EXD3: variants seen among roughly 807,000 people sequenced by gnomAD.
EXD3 encodes the protein exonuclease mut-7 homolog.
Under a neutral mutation model 98.0 loss-of-function variants are expected in EXD3, and 92 were observed. The ratio of observed to expected loss-of-function variants is 0.94; its 90% CI spans 0.79 to 1.12. The LOEUF (loss-of-function observed/expected upper bound fraction) is 1.12, where lower values mean the gene tolerates loss of function less well. Ranked by LOEUF, EXD3 falls within the 50% of genes most tolerant of loss-of-function variation. The probability of loss-of-function intolerance (pLI) is 0.00; values close to 1 mark genes in which losing one functional copy is unlikely to be tolerated. For synonymous variants in EXD3, 569 were observed against 526.0 expected (o/e 1.08, Z -1.12); for missense variants, 1,222 against 1,191.6 (o/e 1.03, Z -0.38).
At position 137,349,642 on chromosome 9, in the gene EXD3, C is replaced by T; in HGVS notation, c.1495-111G>A. ...GCTCTGGAGGAGGCCCCGCCCCCTC[C>T]ACCAGCGGCCCCCACAGCAGAGACG... On this transcript the variant is annotated intron_variant, in intron 14 of 21. Transcript: ENST00000340951. The surrounding 1 kb of genome is among the most constrained non-coding windows in gnomAD (Gnocchi z 7.4). 8.7e-7 allele frequency: 1 copy of T among 1,150,606 alleles called. No individual in the cohort carries two copies. 71.3% of individuals were successfully genotyped at this position (1,150,606 alleles called of 1,614,324 possible).
intron 1 of EXD3, among the ~76,000 whole-genome samples, chr9:137,414,009 C>T (rs1275112261): frequency 2.6e-5 from 4 of 151,368 alleles, no homozygotes; most frequent in Non-Finnish European, 4.4e-5. Context: ...CTCTGCCTCC[C>T]GGGTTTACGC....
At chr9:137,329,753 G>A (rs370856953) in intron 17 of EXD3, among the ~76,000 whole-genome samples, 1 of 37,346 alleles carries the variant, frequency 2.7e-5, no homozygotes, top group Non-Finnish European at 5.5e-5. Flanking sequence ...GGGACTACAC[G>A]GGACTACACG....
Position 137,405,431 on chromosome 9 carries a change from G to A in EXD3, c.-47-10027C>T, listed in dbSNP as rs888994847. 2.6e-5 allele frequency among the ~76,000 whole-genome samples: 4 copies of A among 152,234 alleles called. No homozygotes were observed. The highest frequency in any genetic ancestry group is 9.6e-5 in the African/African-American group (4 of 41,460). On this transcript the variant is annotated intron_variant, in intron 1 of 21. Transcript: ENST00000340951. The surrounding 1 kb of genome is among the most constrained non-coding windows in gnomAD (Gnocchi z 4.1). ...ATTCGTGCTGGTGTCCGTGGCCCAA[G>A]GATTTGCAGAGCCGCGGACGGAGCC...
At position 137,371,331 on chromosome 9, in the gene EXD3, G is replaced by A. The variant is rs1250017959; in HGVS notation, c.462+1574C>T. Among the ~76,000 whole-genome samples the A allele has an allele frequency of 1.3e-5, 2 of 152,186 alleles. No individual in the cohort carries two copies. The highest frequency in any genetic ancestry group is 2.9e-5 in the Non-Finnish European group (2 of 68,014). On this transcript the variant is annotated intron_variant, in intron 5 of 21. Coordinates refer to ENST00000340951, the MANE Select transcript of EXD3 (RefSeq NM_017820.5). The surrounding 1 kb of genome is among the most constrained non-coding windows in gnomAD (Gnocchi z 8.0). ...GGTGGCTTCTCAGCGCCATGCACCCGCCGCGAGACGACGGCCCCGGGCGTG... is the reference window on the plus strand; with the variant it reads ...GGTGGCTTCTCAGCGCCATGCACCCACCGCGAGACGACGGCCCCGGGCGTG...
rs979079379 is a variant in EXD3, at chr9:137,348,380, AAAC to A, written c.1831-145_1831-143del. The A allele has an allele frequency of 2.2e-5, 22 of 1,015,728 alleles. No individual in the cohort carries two copies. The African/African-American group carries it at 2.6e-4, about 12-fold the overall frequency. 62.9% of individuals were successfully genotyped at this position (1,015,728 alleles called of 1,614,324 possible). On this transcript the variant is annotated intron_variant, in intron 16 of 21. Coordinates refer to ENST00000340951, the MANE Select transcript of EXD3 (RefSeq NM_017820.5). ...GATAAAACTGTGTGTGCTGTGCATA[AAAC>A]AGCAGAAACGCAGACAAAATGCAGT...
chr9:137,396,974 A>AG (rs900845120), intron 1 of EXD3, among the ~76,000 whole-genome samples: 5 of 152,140 alleles, frequency 3.3e-5, no homozygotes, highest in Admixed American at 1.3e-4. Context: ...CACCATGCCG[A>AG]GGGGGCCACT....
intron 3 of EXD3, among the ~76,000 whole-genome samples, chr9:137,382,103 G>A (rs1202957296): frequency 1.0e-5 from 1 of 95,254 alleles, no homozygotes; most frequent in Non-Finnish European, 2.0e-5. Flanking sequence ...GGCGGTGGAG[G>A]TCAGGGCGGC....
rs566708991 is a variant in EXD3, at chr9:137,332,619, A to G, written c.1999-8476T>C. On this transcript the variant is annotated intron_variant, in intron 17 of 21. Transcript: ENST00000340951. ...AGCACTTTGGGAGGCCAAGGCGGGC[A>G]GATCACAAGGTCAGGAGATCGAGAC... Among the ~76,000 whole-genome samples the G allele has an allele frequency of 7.3e-4, 111 of 151,114 alleles. 2 individuals are homozygous for G. Among genetic ancestry groups the G allele is most frequent in the African/African-American group, 2.3e-3 (95 of 41,212 alleles).
chr9:137,364,546 C>T (rs894119577), intron 7 of EXD3, among the ~76,000 whole-genome samples: 4 of 151,610 alleles, frequency 2.6e-5, no homozygotes, highest in Admixed American at 6.6e-5. Context: ...CACTTGAACC[C>T]GGGAGGTGAA....
intron 17 of EXD3, chr9:137,346,104 T>C (rs1256003195): frequency 6.6e-6 from 1 of 151,486 alleles, no homozygotes; most frequent in Non-Finnish European, 1.5e-5. Flanking sequence ...CCAGGAATGG[T>C]GGCAGGAGCC....
At chr9:137,417,465 G>T (rs1838291821) in intron 1 of EXD3, among the ~76,000 whole-genome samples, 1 of 152,308 alleles carries the variant, frequency 6.6e-6, no homozygotes, top group African/African-American at 2.4e-5. Flanking sequence ...CGGCGCGAGG[G>T]GCGGGAGGCG....
At position 137,403,767 on chromosome 9, in the gene EXD3, C is replaced by T. The variant is rs957288732; in HGVS notation, c.-47-8363G>A. Among the ~76,000 whole-genome samples, 1 of 152,168 alleles carries T rather than the reference C, an allele frequency of 6.6e-6. No individual in the cohort carries two copies. The highest frequency in any genetic ancestry group is 6.5e-5 in the Admixed American group (1 of 15,272). ...GCTTCCAAGGGCTCCAGAAAGTGGT[C>T]GCTGCCCTTCTCAGAAGGCCCTCTC... is the stretch of plus-strand genomic sequence containing the variant. On this transcript the variant is annotated intron_variant, in intron 1 of 21. Transcript: ENST00000340951. The surrounding 1 kb of genome is among the most constrained non-coding windows in gnomAD (Gnocchi z 6.1).
intron 8 of EXD3, among the ~76,000 whole-genome samples, chr9:137,355,676 G>GAAGGAGA (rs1246912698): frequency 5.9e-5 from 6 of 101,248 alleles, no homozygotes; most frequent in Non-Finnish European, 1.0e-4. Flanking sequence ...AGAAAGGGAG[G>GAAGGAGA]ATGGAGGAAG....
intron 19 of EXD3, among the ~76,000 whole-genome samples, chr9:137,318,176 G>A (rs924269602): frequency 1.3e-5 from 2 of 152,180 alleles, no homozygotes; most frequent in Non-Finnish European, 2.9e-5. Flanking sequence ...GCTGGGGGCA[G>A]CTGTCCTGGA....
chr9:137,420,895 G>GCCTC (rs1838485366), intron 1 of EXD3, among the ~76,000 whole-genome samples: 1 of 152,134 alleles, frequency 6.6e-6, no homozygotes, highest in African/African-American at 2.4e-5. Context: ...GCTCACTGCA[G>GCCTC]CCTCAATCTC....
intron 17 of EXD3, among the ~76,000 whole-genome samples, chr9:137,329,105 C>T (rs1262211322): frequency 7.5e-5 from 1 of 13,256 alleles, no homozygotes; most frequent in African/African-American, 4.2e-4. Context: ...CTACACGGGG[C>T]TACACGGGGC....
At chr9:137,382,271 AG>A (rs1836351949) in intron 3 of EXD3, among the ~76,000 whole-genome samples, 1 of 151,972 alleles carries the variant, frequency 6.6e-6, no homozygotes, top group African/African-American at 2.4e-5. Context: ...CGGAGCCCGG[AG>A]CAGATCTCAG....
Position 137,351,019 on chromosome 9 carries a change from C to A in EXD3, c.1494+19G>T. On this transcript the variant is annotated intron_variant, in intron 14 of 21. Transcript: ENST00000340951. ...CCAGGCCCACCCGGCATCTTGTGAGCGGCTCAGTGGGTGCCCACCTGTCTG... is the reference window on the plus strand; with the variant it reads ...CCAGGCCCACCCGGCATCTTGTGAGAGGCTCAGTGGGTGCCCACCTGTCTG... 6.5e-7 allele frequency: 1 copy of A among 1,547,138 alleles called. No homozygotes were observed. Among genetic ancestry groups the A allele is most frequent in the Non-Finnish European group, 8.7e-7 (1 of 1,144,378 alleles).
intron 7 of EXD3, 84 bp from the exon 8 acceptor site, chr9:137,356,452 A>C: frequency 1.1e-6 from 1 of 922,964 alleles, no homozygotes; most frequent in Non-Finnish European, 1.7e-6. Flanking sequence ...AGTCATATGC[A>C]TGCATAGTTT....
Sources: gnomAD v4.1 joint callset for allele counts (sites outside exome capture counted in the v4.1 genomes callset) on GRCh38, gnomAD v4.1.1 for gene constraint, Gnocchi (gnomAD v3.1) non-coding constraint, MANE v1.5 for transcripts, NCBI Gene and HGNC (gene_info 2026-07-23, HGNC 2026-07-21) for gene names.